The following ARL3 variants were observed in gnomAD, a reference collection of about 807,000 sequenced individuals.
ARL3 encodes the protein ARF like GTPase 3, also known as ADP-ribosylation factor-like protein 3.
A neutral mutation model predicts 26.0 loss-of-function variants in ARL3; 9 were observed. The ratio of observed to expected loss-of-function variants is 0.35; its 90% confidence interval spans 0.21 to 0.60. The LOEUF is 0.60. ARL3 is among the 20% of genes least tolerant of loss of function. ARL3 has a pLI of 0.78. For missense variants in ARL3, 158 were observed against 215.7 expected, an observed-to-expected ratio of 0.73 and a Z score of 1.67; for synonymous variants, 71 against 78.4, an observed-to-expected ratio of 0.91 and a Z score of 0.50.
intron 3 of ARL3, among the ~76,000 whole-genome samples, chr10:102,695,217 TG>T (rs1455296660): frequency 6.6e-6 from 1 of 152,234 alleles, no homozygotes; most frequent in Non-Finnish European, 1.5e-5. Context: ...TAAATCAAGT[TG>T]GGTATAACTG....
intron 3 of ARL3, 70 bp downstream of exon 3, chr10:102,699,303 G>T (rs2064265564): frequency 2.2e-6 from 2 of 896,082 alleles, no homozygotes; most frequent in East Asian, 2.5e-5. Context: ...AAGAAAGAAT[G>T]TTACAGTGTC....
chr10:102,691,446 G>T (rs1364810559), intron 3 of ARL3, among the ~76,000 whole-genome samples: 1 of 151,946 alleles, frequency 6.6e-6, no homozygotes, highest in Admixed American at 6.6e-5. Flanking sequence ...ACTCTTGAAC[G>T]CTCCTGTTAT....
At position 102,713,686 on chromosome 10, in the gene ARL3, G is replaced by A. The variant is rs145760068; in HGVS notation, c.3+587C>T. Reference sequence around the variant, plus strand: ...CCCGCCACGCAGACACCAAGACGGCGTAAAATCCACCAGGCATCCCTTCCA... The same window carrying A: ...CCCGCCACGCAGACACCAAGACGGCATAAAATCCACCAGGCATCCCTTCCA... On this transcript the variant is annotated intron_variant, in intron 1 of 5. Transcript: ENST00000260746. Among the ~76,000 whole-genome samples, 14 of 152,320 alleles carry A rather than the reference G, an allele frequency of 9.2e-5. No individual in the cohort carries two copies. In the East Asian group the frequency reaches 2.5e-3, roughly 27 times the overall value.
intron 3 of ARL3, among the ~76,000 whole-genome samples, chr10:102,697,943 A>G (rs1289029885): frequency 3.9e-5 from 6 of 152,168 alleles, no homozygotes; most frequent in Non-Finnish European, 7.3e-5. Flanking sequence ...AAGGCTCAAG[A>G]GTAACTAGGA....
chr10:102,677,029 C>T (rs779839167), intron 5 of ARL3, 88 bp from the exon 6 acceptor site: 39 of 1,430,418 alleles, frequency 2.7e-5, no homozygotes, highest in Middle Eastern at 1.8e-4. Context: ...AGTGGGGGTC[C>T]CAGGCCCTCC....
At chr10:102,684,335 G>C (rs1247713421) in intron 5 of ARL3, among the ~76,000 whole-genome samples, 1 of 151,948 alleles carries the variant, frequency 6.6e-6, no homozygotes, top group Non-Finnish European at 1.5e-5. Flanking sequence ...ATTTTTAGTA[G>C]AGACGGGGCT....
intron 1 of ARL3, among the ~76,000 whole-genome samples, chr10:102,707,049 C>T (rs1320639089): frequency 6.6e-6 from 1 of 151,766 alleles, no homozygotes; most frequent in Non-Finnish European, 1.5e-5. Flanking sequence ...AATCCCAGCA[C>T]TTTGGGAGGC....
chr10:102,684,712 C>T (rs1159139890), intron 5 of ARL3, among the ~76,000 whole-genome samples: 1 of 151,832 alleles, frequency 6.6e-6, no homozygotes, highest in Non-Finnish European at 1.5e-5. Context: ...GATCTTGGCT[C>T]ACTGGAACCT....
chr10:102,711,370 GTA>G (rs1171526007), intron 1 of ARL3, among the ~76,000 whole-genome samples: 57 of 150,232 alleles, frequency 3.8e-4, no homozygotes, highest in African/African-American at 1.2e-3. Flanking sequence ...ATATGTATCT[GTA>G]TATATATATG....
intron 4 of ARL3, 52 bp downstream of exon 4, chr10:102,689,841 A>AT: frequency 8.3e-7 from 1 of 1,209,090 alleles, no homozygotes; most frequent in Non-Finnish European, 1.2e-6. Flanking sequence ...AAAAAAAAAA[A>AT]GTACATACAT....
intron 1 of ARL3, among the ~76,000 whole-genome samples, chr10:102,706,624 T>TGAAGC (rs1463247470): frequency 3.3e-5 from 5 of 151,928 alleles, no homozygotes; most frequent in Non-Finnish European, 7.4e-5. Flanking sequence ...AAGGCATCCA[T>TGAAGC]GAAGCAAAAC....
chr10:102,708,677 C>T (rs2489743), intron 1 of ARL3, among the ~76,000 whole-genome samples: 33,954 of 151,054 alleles, frequency 0.22, 4,640 homozygotes, highest in South Asian at 0.35. Context: ...GCCAACATGG[C>T]GAAATCCCGT....
At chr10:102,688,014 A>G (rs1399835526) in intron 4 of ARL3, among the ~76,000 whole-genome samples, 2 of 152,186 alleles carry the variant, frequency 1.3e-5, no homozygotes, top group South Asian at 2.1e-4. Flanking sequence ...ATCAATCTCT[A>G]TCTCTAAAAC....
intron 1 of ARL3, among the ~76,000 whole-genome samples, chr10:102,710,725 C>T (rs887751521): frequency 2.0e-5 from 3 of 151,988 alleles, no homozygotes; most frequent in South Asian, 2.1e-4. Context: ...TGTGTGTTAC[C>T]AGCATGTGTG....
At chr10:102,692,823 C>T (rs528845572) in intron 3 of ARL3, among the ~76,000 whole-genome samples, 2 of 152,350 alleles carry the variant, frequency 1.3e-5, no homozygotes, top group African/African-American at 4.8e-5. Flanking sequence ...ATTCTCCTGC[C>T]TCAGCCTCCC....
chr10:102,687,698 AT>A (rs1168649605), intron 4 of ARL3, among the ~76,000 whole-genome samples: 1 of 150,574 alleles, frequency 6.6e-6, no homozygotes, highest in African/African-American at 2.5e-5. Flanking sequence ...GAAAAAAAAA[AT>A]TTTTTTTTGT....
chr10:102,677,638 G>A (rs1217825019), intron 5 of ARL3, among the ~76,000 whole-genome samples: 1 of 152,186 alleles, frequency 6.6e-6, no homozygotes, highest in African/African-American at 2.4e-5. Flanking sequence ...AATGCCTACA[G>A]CTACCTGGCA....
chr10:102,711,891 T>A (rs550424757), intron 1 of ARL3, among the ~76,000 whole-genome samples: 2 of 152,324 alleles, frequency 1.3e-5, no homozygotes, highest in African/African-American at 4.8e-5. Context: ...TCGTGTTTTG[T>A]TTATTTTTTT....
intron 1 of ARL3, among the ~76,000 whole-genome samples, chr10:102,709,158 G>A (rs966617400): frequency 6.6e-6 from 1 of 151,518 alleles, no homozygotes; most frequent in African/African-American, 2.4e-5. Flanking sequence ...TGCCCGTGAC[G>A]GCCTCCCAAA....
Sources: allele counts gnomAD v4.1 joint callset (sites outside exome capture counted in the v4.1 genomes callset), GRCh38; gene constraint gnomAD v4.1.1; transcripts MANE v1.5; gene names NCBI Gene and HGNC (gene_info 2026-07-23, HGNC 2026-07-21).